Variants in RARRES1 observed in about 807,000 individuals in gnomAD.
RARRES1 encodes the protein retinoic acid receptor responder protein 1.
A neutral mutation model predicts 30.6 loss-of-function variants in RARRES1; 34 were observed. The observed-to-expected ratio is 1.11, with a 90% CI of 0.84 to 1.48. The LOEUF is 1.48. Ranked by LOEUF, RARRES1 falls within the 40% of genes most tolerant of loss-of-function variation. The probability of loss-of-function intolerance (pLI) is 0.00; values close to 1 mark genes in which losing one functional copy is unlikely to be tolerated. For synonymous variants in RARRES1, 153 were observed against 155.5 expected (o/e 0.98, Z 0.12); for missense variants, 373 against 386.5 (o/e 0.97, Z 0.29).
Position 158,732,126 on chromosome 3 carries a change from C to A in RARRES1, c.276+14G>T. 7.6e-7 allele frequency: 1 copy of A among 1,324,008 alleles called. No homozygotes were observed. The highest frequency in any genetic ancestry group is 2.1e-5 in the South Asian group (1 of 48,596). The allele number at this position is 1,324,008 out of a possible 1,614,324, so 82.0% of individuals were successfully genotyped here. ...CAGGCAGGCGCGTGCCCCGGCGCGT[C>A]GCTCCGCACTCACCCACGCGCGGCC... On this transcript the variant is annotated intron_variant, in intron 1 of 5. Transcript: ENST00000237696.
At chr3:158,698,372 G>C (rs769594046) in intron 4 of RARRES1, among the ~76,000 whole-genome samples, 1 of 152,182 alleles carries the variant, frequency 6.6e-6, no homozygotes, top group Non-Finnish European at 1.5e-5. Context: ...TTCTGTGCTA[G>C]GCACCTTCTA....
chr3:158,713,835 C>T lies in RARRES1; in HGVS notation c.301G>A (p.Val101Ile). 1 of 1,614,074 alleles carries T rather than the reference C, an allele frequency of 6.2e-7. No homozygotes were observed. The highest frequency in any genetic ancestry group is 8.5e-7 in the Non-Finnish European group (1 of 1,179,942). The change falls in exon 2 of 6, where the codon GTT (valine) becomes ATT (isoleucine). Residue 101 changes from valine to isoleucine, a missense_variant. Transcript: ENST00000237696. Reference protein sequence around the residue: ...AWINPKEGCKVHVVFSTERYN... With the variant: ...AWINPKEGCKIHVVFSTERYN... ...CGCTCTGTGCTGAAGACCACGTGAA[C>T]TTTACATCCCTCTTTTGGATTAATC...
chr3:158,726,426 A>C (rs4680460), intron 1 of RARRES1, among the ~76,000 whole-genome samples: 87,641 of 152,154 alleles, frequency 0.58, 25,934 homozygotes, highest in African/African-American at 0.72. Flanking sequence ...CCCACGGTGG[A>C]CTGAACCCCC....
At chr3:158,719,703 A>G (rs183294389) in intron 1 of RARRES1, among the ~76,000 whole-genome samples, 257 of 152,164 alleles carry the variant, frequency 1.7e-3, no homozygotes, top group Admixed American at 0.014. Context: ...TGTACTCTTT[A>G]GTGACTGATC....
chr3:158,727,832 C>T (rs1166041052), intron 1 of RARRES1, among the ~76,000 whole-genome samples: 2 of 152,154 alleles, frequency 1.3e-5, no homozygotes, highest in Non-Finnish European at 2.9e-5. Context: ...GTGATTTCGC[C>T]TACAATTAGC....
Position 158,704,893 on chromosome 3 carries a change from G to A in RARRES1, c.570C>T (p.Leu190=), listed in dbSNP as rs1190437412. The change falls in exon 4 of 6, where the codon CTC becomes CTT. Residue 190 remains leucine (L), a synonymous_variant. Coordinates refer to ENST00000237696, the MANE Select transcript of RARRES1 (RefSeq NM_206963.2). ...TTCCAAGGAAAGCCAAATCCCAGAT[G>A]AGTCTCAGAGAGGGATCAATATGTC... ...NHGHIDPSLR[L]IWDLAFLGSS... 1.2e-6 allele frequency: 2 copies of A among 1,613,536 alleles called. No individual in the cohort carries two copies. The highest frequency in any genetic ancestry group is 1.7e-6 in the Non-Finnish European group (2 of 1,179,812).
chr3:158,702,994 C>T (rs752555625), intron 4 of RARRES1, among the ~76,000 whole-genome samples: 1 of 152,172 alleles, frequency 6.6e-6, no homozygotes, highest in Admixed American at 6.5e-5. Flanking sequence ...AAATCCTGTA[C>T]TCAGAAGATA....
intron 1 of RARRES1, among the ~76,000 whole-genome samples, chr3:158,720,430 C>T (rs552909422): frequency 6.6e-6 from 1 of 151,872 alleles, no homozygotes; most frequent in South Asian, 2.1e-4. Context: ...AACAAAGTAC[C>T]ACAAACTAGG....
intron 4 of RARRES1, among the ~76,000 whole-genome samples, chr3:158,699,783 A>T (rs767696950): frequency 6.6e-6 from 1 of 152,192 alleles, no homozygotes; most frequent in South Asian, 2.1e-4. Flanking sequence ...GGAAAGTCAG[A>T]GAATTCATGA....
chr3:158,698,209 C>T (rs1038959245), intron 4 of RARRES1: 20 of 490,220 alleles, frequency 4.1e-5, no homozygotes, highest in Middle Eastern at 5.4e-4. Context: ...TGATGGAGAC[C>T]AAAGTCTGTG....
chr3:158,704,748 T>C (rs778102135), intron 4 of RARRES1, 43 bp downstream of exon 4: 1 of 1,599,528 alleles, frequency 6.3e-7, no homozygotes, highest in Non-Finnish European at 8.5e-7. Context: ...ACCACTTTGA[T>C]TGTAACTCTT....
At chr3:158,711,360 T>G (rs1727130105) in intron 2 of RARRES1, among the ~76,000 whole-genome samples, 2 of 152,060 alleles carry the variant, frequency 1.3e-5, no homozygotes, top group African/African-American at 4.8e-5. Context: ...GCCTTATGAA[T>G]TAGGTCCTCT....
intron 1 of RARRES1, among the ~76,000 whole-genome samples, chr3:158,728,970 C>A (rs1182624520): frequency 1.3e-5 from 2 of 152,122 alleles, no homozygotes; most frequent in Non-Finnish European, 2.9e-5. Flanking sequence ...CTCAAAGAGG[C>A]CTTCCCTAAT....
chr3:158,711,736 A>AG (rs1340981798), intron 2 of RARRES1, among the ~76,000 whole-genome samples: 25 of 151,192 alleles, frequency 1.7e-4, no homozygotes, highest in Non-Finnish European at 1.5e-5. Flanking sequence ...CTGGGATTAC[A>AG]GGTGCCCACC....
intron 4 of RARRES1, 186 bp from the exon 5 acceptor site, chr3:158,698,156 A>G (rs1199245258): frequency 1.8e-6 from 1 of 559,942 alleles, no homozygotes; most frequent in Admixed American, 3.4e-5. Flanking sequence ...TTGTCTTGTC[A>G]CTGAGTTATA....
At chr3:158,706,595 G>C (rs1052902676) in intron 3 of RARRES1, among the ~76,000 whole-genome samples, 4 of 152,142 alleles carry the variant, frequency 2.6e-5, no homozygotes, top group Admixed American at 1.3e-4. Flanking sequence ...GTGGTCTCAG[G>C]GAGAAGAATC....
In RARRES1 at chr3:158,732,438, C is replaced by T. The variant is rs1727950060; in HGVS notation, c.-23G>A. 1.3e-6 allele frequency: 2 copies of T among 1,517,492 alleles called. No homozygotes were observed. Among genetic ancestry groups the T allele is most frequent in the East Asian group, 2.6e-5 (1 of 38,754 alleles). 94.0% of individuals were successfully genotyped at this position (1,517,492 alleles called of 1,614,324 possible). On this transcript the variant is annotated 5_prime_UTR_variant, in exon 1 of 6. Coordinates refer to ENST00000237696, the MANE Select transcript of RARRES1 (RefSeq NM_206963.2). The stretch of plus-strand genomic sequence containing the variant: ...CATGGACGCAGGAAAGTTGGCTCGG[C>T]ACCCGACAGACACGGGCTCGGAGCG...
chr3:158,716,555 G>C lies in RARRES1; in HGVS notation c.277-2696C>G, dbSNP rs185977559. ...CTTTTAAAGAGTTATTTTCTTTGCT[G>C]ATTTGATTTATTTTGTTTTAAGGAA... On this transcript the variant is annotated intron_variant, in intron 1 of 5. Transcript: ENST00000237696. Among the ~76,000 whole-genome samples the C allele has an allele frequency of 4.2e-3, 636 of 151,606 alleles. 3 individuals are homozygous for C. Among genetic ancestry groups the C allele is most frequent in the African/African-American group, 0.015 (605 of 41,314 alleles).
At chr3:158,711,600 CT>C (rs1175463184) in intron 2 of RARRES1, among the ~76,000 whole-genome samples, 20,770 of 121,194 alleles carry the variant, frequency 0.17, 1,106 homozygotes, top group Non-Finnish European at 0.2. Context: ...TTGCATTCAT[CT>C]TTTTTTTTTT....
Sources: allele counts gnomAD v4.1 joint callset (sites outside exome capture counted in the v4.1 genomes callset), GRCh38; gene constraint gnomAD v4.1.1; transcripts MANE v1.5; gene names NCBI Gene and HGNC (gene_info 2026-07-23, HGNC 2026-07-21).